NR2C2: variants seen among roughly 807,000 people sequenced by gnomAD.
NR2C2 encodes nuclear receptor subfamily 2 group C member 2.
NR2C2 carries 6 observed loss-of-function variants against 62.9 expected under a neutral mutation model. The observed-to-expected ratio is 0.10, with a 90% confidence interval of 0.05 to 0.19. The LOEUF is 0.19. Among genes scored for constraint, NR2C2 ranks in the 10% least tolerant of loss-of-function variants. NR2C2 has a pLI of 1.00. For missense variants in NR2C2, 479 were observed against 762.7 expected, an observed-to-expected ratio of 0.63 and a Z score of 4.38; for synonymous variants, 272 against 273.8, an observed-to-expected ratio of 0.99 and a Z score of 0.07.
In NR2C2 at chr3:15,037,990, T is replaced by C. The variant is rs530428963; in HGVS notation, c.1373-10T>C. The C allele has an allele frequency of 1.9e-6, 3 of 1,611,970 alleles. No individual in the cohort carries two copies. Among genetic ancestry groups the C allele is most frequent in the Admixed American group, 1.7e-5 (1 of 59,772 alleles). On this transcript the variant is annotated splice_polypyrimidine_tract_variant and intron_variant, in intron 11 of 13. Transcript: ENST00000425241. ...CAGCCTTTCTCAGGATCTGTGATGTTGGTTTCTAGATAAACTTTCTGGTGA... is the reference window on the plus strand; with the variant it reads ...CAGCCTTTCTCAGGATCTGTGATGTCGGTTTCTAGATAAACTTTCTGGTGA...
At chr3:14,973,409 T>A (rs551961342) in intron 1 of NR2C2, among the ~76,000 whole-genome samples, 188 of 148,536 alleles carry the variant, frequency 1.3e-3, no homozygotes, top group East Asian at 2.5e-3. Flanking sequence ...AAAAAAAAAA[T>A]TTTTTTTAAA....
At chr3:14,961,802 T>C (rs2039694740) in intron 1 of NR2C2, among the ~76,000 whole-genome samples, 1 of 152,010 alleles carries the variant, frequency 6.6e-6, no homozygotes, top group African/African-American at 2.4e-5. Flanking sequence ...GTTTTGTAAT[T>C]TAATGAGGAC....
intron 2 of NR2C2, among the ~76,000 whole-genome samples, chr3:15,005,837 C>A (rs1018970656): frequency 6.6e-6 from 1 of 151,934 alleles, no homozygotes; most frequent in Non-Finnish European, 1.5e-5. Context: ...TTTTACCCAG[C>A]TGACAATCTG....
At chr3:15,002,751 C>T (rs1335869082) in intron 1 of NR2C2, among the ~76,000 whole-genome samples, 7 of 147,850 alleles carry the variant, frequency 4.7e-5, no homozygotes, top group African/African-American at 1.2e-4. Context: ...CTCCGCCTCC[C>T]GGGTTCAAGC....
intron 1 of NR2C2, among the ~76,000 whole-genome samples, chr3:14,981,916 G>A (rs115666854): frequency 0.036 from 5,501 of 152,246 alleles, 354 homozygotes; most frequent in African/African-American, 0.12. Flanking sequence ...TCCTCTGTAC[G>A]CTTTTATCCT....
At chr3:14,982,651 G>A (rs2040406625) in intron 1 of NR2C2, among the ~76,000 whole-genome samples, 1 of 151,906 alleles carries the variant, frequency 6.6e-6, no homozygotes, top group South Asian at 2.1e-4. Flanking sequence ...TTTGTTTATA[G>A]ATTTTTTTAA....
In NR2C2 at chr3:15,032,432, G is replaced by T. The variant is rs746019967; in HGVS notation, c.1164G>T (p.Glu388Asp). 6.2e-7 allele frequency: 1 copy of T among 1,614,210 alleles called. No individual in the cohort carries two copies. Among genetic ancestry groups the T allele is most frequent in the Non-Finnish European group, 8.5e-7 (1 of 1,180,038 alleles). The change falls in exon 10 of 14, where the codon GAG becomes GAT. Residue 388 changes from glutamate to aspartate, a missense_variant. By Grantham distance (45) the Glu-to-Asp change is conservative. This residue lies in a region of NR2C2 where 162 missense variants were observed against 296.8 expected (regional missense o/e 0.55). Coordinates refer to ENST00000425241, the MANE Select transcript of NR2C2 (RefSeq NM_001291694.2). ...PEYLNVHYIC[E>D]SASRLLFLSM... ...ACCTCAACGTGCACTACATCTGTGA[G>T]TCTGCATCCCGTCTGCTTTTCCTCT...
chr3:14,965,093 G>A (rs2039801022), intron 1 of NR2C2, among the ~76,000 whole-genome samples: 3 of 152,126 alleles, frequency 2.0e-5, no homozygotes, highest in African/African-American at 7.2e-5. Flanking sequence ...TGCAGACATG[G>A]GGAGAACATA....
chr3:15,003,414 C>T (rs530431647), intron 1 of NR2C2, among the ~76,000 whole-genome samples: 4 of 152,222 alleles, frequency 2.6e-5, no homozygotes, highest in South Asian at 4.2e-4. Flanking sequence ...TGAGAAATTA[C>T]CAGGACGCTT....
At chr3:14,986,673 A>G (rs907386964) in intron 1 of NR2C2, among the ~76,000 whole-genome samples, 1 of 152,250 alleles carries the variant, frequency 6.6e-6, no homozygotes, top group African/African-American at 2.4e-5. Context: ...AGACCTTGGA[A>G]AGCATATCCT....
intron 1 of NR2C2, among the ~76,000 whole-genome samples, chr3:14,980,628 T>C (rs1360217149): frequency 6.6e-6 from 1 of 152,178 alleles, no homozygotes; most frequent in Admixed American, 6.5e-5. Context: ...ACAGTCCTAA[T>C]AAAAATACTA....
At chr3:15,035,720 T>C (rs2042086079) in intron 11 of NR2C2, among the ~76,000 whole-genome samples, 1 of 151,594 alleles carries the variant, frequency 6.6e-6, no homozygotes, top group African/African-American at 2.4e-5. Context: ...TGAAACCCCT[T>C]CTCTACTAAA....
At chr3:14,984,010 T>A (rs1233783528) in intron 1 of NR2C2, among the ~76,000 whole-genome samples, 1 of 152,190 alleles carries the variant, frequency 6.6e-6, no homozygotes, top group Non-Finnish European at 1.5e-5. Flanking sequence ...TGCCTCAGCC[T>A]CCCGAGTAGC....
At position 15,003,942 on chromosome 3, in the gene NR2C2, A is replaced by G; in HGVS notation, c.28A>G (p.Ile10Val). 1 of 1,613,868 alleles carries G rather than the reference A, an allele frequency of 6.2e-7. No individual in the cohort carries two copies. The highest frequency in any genetic ancestry group is 1.7e-5 in the Admixed American group (1 of 59,996). MTSPSPRIQ[I>V]ISTDSAVASP... ...GACCAGCCCCTCCCCACGCATCCAG[A>G]TAATCTCCACCGACTCTGCTGTAGC... Residue 10 changes from isoleucine to valine, a missense_variant, in exon 2 of 14, where the codon ATA becomes GTA. Ile to Val is a conservative substitution (Grantham distance 29). This residue lies in a region of NR2C2 where 115 missense variants were observed against 152.3 expected (regional missense o/e 0.76). Transcript: ENST00000425241.
At chr3:14,984,006 A>G (rs984073666) in intron 1 of NR2C2, among the ~76,000 whole-genome samples, 2 of 152,152 alleles carry the variant, frequency 1.3e-5, no homozygotes, top group Non-Finnish European at 2.9e-5. Flanking sequence ...CTCCTGCCTC[A>G]GCCTCCCGAG....
intron 2 of NR2C2, among the ~76,000 whole-genome samples, chr3:15,012,332 T>C (rs904054415): frequency 1.3e-5 from 2 of 152,064 alleles, no homozygotes; most frequent in African/African-American, 4.8e-5. Flanking sequence ...TTCAAGCGAT[T>C]CTCGTGTCTT....
chr3:15,006,488 G>T (rs1375670419), intron 2 of NR2C2, among the ~76,000 whole-genome samples: 3 of 152,092 alleles, frequency 2.0e-5, no homozygotes, highest in African/African-American at 4.8e-5. Flanking sequence ...ATGTGAGTGG[G>T]CAGGTGGGTA....
chr3:15,005,794 T>C (rs2041157357), intron 2 of NR2C2, among the ~76,000 whole-genome samples: 1 of 152,160 alleles, frequency 6.6e-6, no homozygotes, highest in Non-Finnish European at 1.5e-5. Context: ...ATTTTTTTCC[T>C]ACTTCCTACA....
chr3:15,040,795 GGACTGT>G (rs1248416357), intron 13 of NR2C2, among the ~76,000 whole-genome samples: 3 of 152,168 alleles, frequency 2.0e-5, no homozygotes, highest in Non-Finnish European at 4.4e-5. Context: ...ATAGAGAATG[GGACTGT>G]CAGGGAATGC....
Sources: gnomAD v4.1 joint callset for allele counts (sites outside exome capture counted in the v4.1 genomes callset) on GRCh38, gnomAD v4.1.1 for gene constraint, gnomAD v4.1.1 regional missense constraint, MANE v1.5 for transcripts, NCBI Gene and HGNC (gene_info 2026-07-23, HGNC 2026-07-21) for gene names.